The following CALD1 variants were observed in gnomAD, a reference collection of about 807,000 sequenced individuals.
CALD1 encodes the protein caldesmon 1.
Under a neutral mutation model 99.9 loss-of-function variants are expected in CALD1, and 33 were observed. The observed-to-expected ratio is 0.33, with a 90% CI of 0.25 to 0.44. CALD1 has a LOEUF of 0.44. CALD1 is among the 20% of genes least tolerant of loss of function. CALD1 has a pLI of 1.00. For missense variants in CALD1, 861 were observed against 962.1 expected (o/e 0.89, Z 1.39); for synonymous variants, 310 against 325.0 (o/e 0.95, Z 0.50).
the CALD1 span, among the ~76,000 whole-genome samples, chr7:134,736,809 T>C: frequency 6.6e-6 from 1 of 152,216 alleles, no homozygotes; most frequent in African/African-American, 2.4e-5. Flanking sequence ...TTGCTTTCTC[T>C]AATATTGCCT....
intron 1 of CALD1, among the ~76,000 whole-genome samples, chr7:134,810,902 T>A (rs112234137): frequency 6.6e-6 from 1 of 152,334 alleles, no homozygotes; most frequent in Non-Finnish European, 1.5e-5. Flanking sequence ...TATCAACATG[T>A]GCTGTCAGCC....
chr7:134,790,461 C>T (rs1797482607), intron 1 of CALD1, among the ~76,000 whole-genome samples: 1 of 152,202 alleles, frequency 6.6e-6, no homozygotes, highest in African/African-American at 2.4e-5. Flanking sequence ...CAGCTATCTG[C>T]TCTGTGTCTT....
At chr7:134,917,831 T>C (rs767435511) in intron 3 of CALD1, among the ~76,000 whole-genome samples, 26 of 152,334 alleles carry the variant, frequency 1.7e-4, no homozygotes, top group Non-Finnish European at 2.8e-4. Context: ...GGTTATTTTA[T>C]TTTAATTATC....
chr7:134,897,929 A>T (rs1300672307), intron 3 of CALD1, among the ~76,000 whole-genome samples: 1 of 151,812 alleles, frequency 6.6e-6, no homozygotes, highest in Non-Finnish European at 1.5e-5. Context: ...TGCTGGTCTC[A>T]AACTCCTGGG....
chr7:134,760,586 T>G (rs969099391), intron 1 of CALD1, among the ~76,000 whole-genome samples: 1 of 152,240 alleles, frequency 6.6e-6, no homozygotes, highest in Admixed American at 6.5e-5. Context: ...GGTGTTTTTG[T>G]TTTTGGTCTG....
intron 1 of CALD1, among the ~76,000 whole-genome samples, chr7:134,786,876 A>G (rs937440855): frequency 1.3e-5 from 2 of 152,248 alleles, no homozygotes. Flanking sequence ...CTTAACCAGT[A>G]TCTTAATCAG....
intron 3 of CALD1, among the ~76,000 whole-genome samples, chr7:134,872,357 CAAAAAAAAAAA>C (rs35569742): frequency 5.0e-5 from 5 of 100,406 alleles, no homozygotes; most frequent in South Asian, 6.1e-4. Flanking sequence ...GACTCGGTCT[CAAAAAAAAAAA>C]AAAAAAAAAA....
At chr7:134,862,783 T>C (rs1800618514) in intron 2 of CALD1, among the ~76,000 whole-genome samples, 1 of 152,236 alleles carries the variant, frequency 6.6e-6, no homozygotes, top group South Asian at 2.1e-4. Flanking sequence ...ACCACACTAC[T>C]GCAAGATGTT....
intron 3 of CALD1, among the ~76,000 whole-genome samples, chr7:134,869,118 T>C (rs1800943647): frequency 6.6e-6 from 1 of 152,112 alleles, no homozygotes; most frequent in Non-Finnish European, 1.5e-5. Context: ...AAGGTAGTCA[T>C]TATCCTGCAA....
rs139779194 is a variant in CALD1 at position 134,796,438 on chromosome 7, A to G, written c.-130+16689A>G. On this transcript the variant is annotated intron_variant, in intron 1 of 14. Coordinates refer to ENST00000361675, the MANE Select transcript of CALD1 (RefSeq NM_033138.4). Reference sequence around the variant, plus strand: ...TTTTCCTGGTTGGTTTTGGGGGAAGATAGAAATCATATATTCATAAAGGAC... The same window carrying G: ...TTTTCCTGGTTGGTTTTGGGGGAAGGTAGAAATCATATATTCATAAAGGAC... Among the ~76,000 whole-genome samples the G allele has an allele frequency of 6.9e-3, 1,057 of 152,296 alleles. 22 individuals carry two copies. The highest frequency in any genetic ancestry group is 0.024 in the African/African-American group (996 of 41,566).
chr7:134,953,531 A>AG (rs896957242), intron 9 of CALD1, among the ~76,000 whole-genome samples: 7 of 151,868 alleles, frequency 4.6e-5, no homozygotes, highest in Non-Finnish European at 1.0e-4. Flanking sequence ...AAAAAAAAAA[A>AG]GAAAAGAAAA....
At chr7:134,913,979 T>G (rs1192857033) in intron 3 of CALD1, among the ~76,000 whole-genome samples, 3 of 152,186 alleles carry the variant, frequency 2.0e-5, no homozygotes, top group Admixed American at 6.5e-5. Flanking sequence ...CCTGGGTCAA[T>G]CCTGATTTTG....
chr7:134,902,935 GGATA>G (rs1803102219), intron 3 of CALD1, among the ~76,000 whole-genome samples: 1 of 152,028 alleles, frequency 6.6e-6, no homozygotes, highest in Admixed American at 6.5e-5. Flanking sequence ...GTGGATGAGT[GGATA>G]AATAAACTGT....
intron 14 of CALD1, among the ~76,000 whole-genome samples, chr7:134,967,542 T>C (rs1275564596): frequency 1.3e-5 from 2 of 151,916 alleles, no homozygotes; most frequent in African/African-American, 2.4e-5. Flanking sequence ...GGTAGGGGTG[T>C]AAGAATAGGA....
chr7:134,778,080 G>T (rs1272334337), upstream of CALD1, among the ~76,000 whole-genome samples: 1 of 152,164 alleles, frequency 6.6e-6, no homozygotes, highest in Non-Finnish European at 1.5e-5. Flanking sequence ...CTCTTGGGAT[G>T]CCTGAGGCTC....
At chr7:134,901,993 A>G (rs942562139) in intron 3 of CALD1, among the ~76,000 whole-genome samples, 22 of 152,040 alleles carry the variant, frequency 1.4e-4, no homozygotes, top group African/African-American at 5.1e-4. Flanking sequence ...GGAGTATACA[A>G]TTTGACCCAT....
chr7:134,945,159 A>C (rs1463623303), intron 7 of CALD1, among the ~76,000 whole-genome samples: 2 of 152,210 alleles, frequency 1.3e-5, no homozygotes, highest in Non-Finnish European at 2.9e-5. Flanking sequence ...ATCCTCCTTA[A>C]TCACAAAAGA....
chr7:134,737,907 A>G, the CALD1 span, among the ~76,000 whole-genome samples: 3 of 152,210 alleles, frequency 2.0e-5, no homozygotes, highest in Non-Finnish European at 4.4e-5. Context: ...GGCTATTCCA[A>G]TAGGGTAATT....
intron 1 of CALD1, among the ~76,000 whole-genome samples, chr7:134,828,691 A>C (rs532783586): frequency 6.6e-6 from 1 of 152,294 alleles, no homozygotes; most frequent in Admixed American, 6.5e-5. Context: ...ATCCAATGAG[A>C]TAATGCATGA....
Sources: allele counts gnomAD v4.1 joint callset (sites outside exome capture counted in the v4.1 genomes callset), GRCh38; gene constraint gnomAD v4.1.1; transcripts MANE v1.5; gene names NCBI Gene and HGNC (gene_info 2026-07-23, HGNC 2026-07-21).